Variants in ABCC9 observed in about 807,000 individuals in gnomAD.
ABCC9 encodes the protein ATP binding cassette subfamily C member 9.
Under a neutral mutation model 188.3 loss-of-function variants are expected in ABCC9, and 95 were observed. The ratio of observed to expected loss-of-function variants is 0.50; its 90% CI spans 0.43 to 0.60. The LOEUF is 0.60. Among genes scored for constraint, ABCC9 ranks in the 20% least tolerant of loss-of-function variants. The probability of loss-of-function intolerance (pLI) is 0.00; values close to 1 mark genes in which losing one functional copy is unlikely to be tolerated. For missense variants in ABCC9, 1,102 were observed against 1,876.3 expected (o/e 0.59, Z 7.62); for synonymous variants, 659 against 652.7 (o/e 1.01, Z -0.15).
intron 6 of ABCC9, among the ~76,000 whole-genome samples, chr12:21,916,458 A>T (rs1211420248): frequency 6.6e-6 from 1 of 152,210 alleles, no homozygotes; most frequent in Non-Finnish European, 1.5e-5. Flanking sequence ...ATCAATATGC[A>T]ATTACAAACC....
At position 21,821,387 on chromosome 12, in the gene ABCC9, G is replaced by T. The variant is rs118001607; in HGVS notation, c.3670-3136C>A. Among the ~76,000 whole-genome samples the T allele has an allele frequency of 4.6e-3, 707 of 152,124 alleles. 3 individuals are homozygous for T. Among genetic ancestry groups the T allele is most frequent in the Non-Finnish European group, 7.4e-3 (503 of 67,996 alleles). ...TGAAAAGTACTTTTACCTAAGCCAT[G>T]AATTTCATCATTCAGTTCCAAATTA... On this transcript the variant is annotated intron_variant, in intron 31 of 39. Coordinates refer to ENST00000261200, the MANE Select transcript of ABCC9 (RefSeq NM_020297.4).
intron 35 of ABCC9, among the ~76,000 whole-genome samples, chr12:21,812,528 G>A (rs1942317314): frequency 6.6e-6 from 1 of 152,174 alleles, no homozygotes. Context: ...CATCGAAAAG[G>A]ATGAGCTAAT....
intron 12 of ABCC9, among the ~76,000 whole-genome samples, chr12:21,902,475 C>CA (rs1168854815): frequency 2.3e-4 from 35 of 152,040 alleles, no homozygotes; most frequent in Admixed American, 1.8e-3. Flanking sequence ...AATAGAGACA[C>CA]AAAAAACCCT....
intron 29 of ABCC9, among the ~76,000 whole-genome samples, chr12:21,839,650 TTTTTTCCTGCCC>T (rs1565723884): frequency 6.6e-6 from 1 of 152,222 alleles, no homozygotes; most frequent in Admixed American, 6.5e-5. Flanking sequence ...TTTTCAGACC[TTTTTTCCTGCCC>T]TTCTCTAGGT....
intron 30 of ABCC9, 42 bp from the exon 31 acceptor site, chr12:21,829,102 A>G: frequency 7.2e-7 from 1 of 1,395,292 alleles, no homozygotes; most frequent in Admixed American, 1.7e-5. Context: ...ACAACAGGAG[A>G]GGTAATAAGA....
chr12:21,820,750 T>C (rs904924234), intron 31 of ABCC9, among the ~76,000 whole-genome samples: 1 of 152,156 alleles, frequency 6.6e-6, no homozygotes, highest in African/African-American at 2.4e-5. Flanking sequence ...TTCCCATCAT[T>C]TGAGGTTCAA....
intron 11 of ABCC9, among the ~76,000 whole-genome samples, chr12:21,907,287 A>G (rs1215881617): frequency 6.6e-6 from 1 of 152,028 alleles, no homozygotes; most frequent in Non-Finnish European, 1.5e-5. Flanking sequence ...TGAGTAACCT[A>G]CCTAAAGGAG....
At chr12:21,836,853 A>G (rs1414231562) in intron 30 of ABCC9, among the ~76,000 whole-genome samples, 7 of 152,218 alleles carry the variant, frequency 4.6e-5, no homozygotes. Flanking sequence ...AATAAAAAAG[A>G]TGATTTAAAA....
At chr12:21,861,090 A>C in intron 20 of ABCC9, 35 bp from the exon 21 acceptor site, 115 of 1,517,244 alleles carry the variant, frequency 7.6e-5, no homozygotes, top group Non-Finnish European at 9.1e-5. Flanking sequence ...TTTAGATCTC[A>C]ATTAATACAT....
chr12:21,831,728 G>A (rs1260573549), intron 30 of ABCC9, among the ~76,000 whole-genome samples: 2 of 152,162 alleles, frequency 1.3e-5, no homozygotes, highest in Admixed American at 1.3e-4. Context: ...ATTCTACGCA[G>A]CAGGAACAAT....
chr12:21,881,727 C>CACAA (rs986714832), intron 16 of ABCC9, among the ~76,000 whole-genome samples: 1 of 151,508 alleles, frequency 6.6e-6, no homozygotes, highest in Non-Finnish European at 1.5e-5. Context: ...CACACACACA[C>CACAA]ACACACATTT....
intron 15 of ABCC9, among the ~76,000 whole-genome samples, chr12:21,887,455 A>C (rs917947100): frequency 1.3e-4 from 20 of 152,178 alleles, no homozygotes; most frequent in African/African-American, 4.8e-4. Context: ...AAAAGATAAA[A>C]TGCATCAGAA....
chr12:21,815,241 C>T (rs1386421222), intron 34 of ABCC9, among the ~76,000 whole-genome samples: 1 of 148,366 alleles, frequency 6.7e-6, no homozygotes, highest in Non-Finnish European at 1.5e-5. Flanking sequence ...TGATTTCATT[C>T]TATTTATTTT....
intron 8 of ABCC9, among the ~76,000 whole-genome samples, chr12:21,911,965 G>T (rs1212108386): frequency 6.6e-6 from 1 of 151,926 alleles, no homozygotes; most frequent in East Asian, 1.9e-4. Flanking sequence ...CACCGTAATT[G>T]TTTCATAAGC....
intron 7 of ABCC9, among the ~76,000 whole-genome samples, chr12:21,915,225 ATGTGTGTG>A (rs377233626): frequency 0.12 from 15,449 of 128,668 alleles, 955 homozygotes; most frequent in East Asian, 0.21. Flanking sequence ...TTATATATAT[ATGTGTGTG>A]TGTGTGTGTG....
chr12:21,845,033 A>G (rs1944575016), intron 26 of ABCC9, 118 bp from the exon 27 acceptor site: 5 of 1,310,322 alleles, frequency 3.8e-6, no homozygotes, highest in South Asian at 1.3e-5. Context: ...GCATGCATTT[A>G]GACGGTTGAA....
chr12:21,872,581 A>G (rs1488921579), intron 18 of ABCC9, 44 bp downstream of exon 18: 9 of 1,376,298 alleles, frequency 6.5e-6, no homozygotes, highest in Non-Finnish European at 9.3e-6. Context: ...GAAGATTATC[A>G]GATGTATGAC....
intron 5 of ABCC9, chr12:21,925,458 T>C: frequency 1.4e-6 from 1 of 702,120 alleles, no homozygotes; most frequent in South Asian, 1.5e-5. Context: ...CTCTGCTACA[T>C]AGTAATTCTA....
At chr12:21,908,759 A>G (rs1440719891) in intron 10 of ABCC9, among the ~76,000 whole-genome samples, 1 of 152,070 alleles carries the variant, frequency 6.6e-6, no homozygotes, top group African/African-American at 2.4e-5. Context: ...ACTGACAAGA[A>G]GGCTGACGGT....
Sources: allele counts gnomAD v4.1 joint callset (sites outside exome capture counted in the v4.1 genomes callset), GRCh38; gene constraint gnomAD v4.1.1; transcripts MANE v1.5; gene names NCBI Gene and HGNC (gene_info 2026-07-23, HGNC 2026-07-21).